Variants in ACTR3C observed in about 807,000 individuals in gnomAD.
The protein encoded by ACTR3C is actin-related protein 3C.
Under a neutral mutation model 26.3 loss-of-function variants are expected in ACTR3C, and 18 were observed. That is an observed-to-expected ratio of 0.68 (90% CI 0.47 to 1.01). The LOEUF is 1.01. Among genes scored for constraint, ACTR3C ranks in the 50% least tolerant of loss-of-function variants. The pLI is 0.00. For synonymous variants in ACTR3C, 55 were observed against 94.5 expected, an observed-to-expected ratio of 0.58 and a Z score of 2.42; for missense variants, 184 against 250.7, an observed-to-expected ratio of 0.73 and a Z score of 1.80.
chr7:149,882,760 C>T, the ACTR3C span, among the ~76,000 whole-genome samples: 13 of 152,248 alleles, frequency 8.5e-5, no homozygotes, highest in African/African-American at 2.9e-4. Flanking sequence ...CCATTCAGAT[C>T]TGTGCAGGGG....
At chr7:150,198,759 G>T in the ACTR3C span, among the ~76,000 whole-genome samples, 3 of 147,784 alleles carry the variant, frequency 2.0e-5, no homozygotes, top group Non-Finnish European at 3.0e-5. Flanking sequence ...AGGTGGGGGG[G>T]GGTCAGCCCC....
the ACTR3C span, among the ~76,000 whole-genome samples, chr7:150,016,008 G>C: frequency 5.9e-5 from 9 of 151,404 alleles, no homozygotes; most frequent in Non-Finnish European, 1.0e-4. Flanking sequence ...GCAAAGGCTT[G>C]GCCCTTTCTA....
chr7:150,162,188 T>G, the ACTR3C span, among the ~76,000 whole-genome samples: 2 of 152,234 alleles, frequency 1.3e-5, no homozygotes, highest in African/African-American at 4.8e-5. Context: ...AACTTGTTTC[T>G]GCATTCCTGA....
the ACTR3C span, among the ~76,000 whole-genome samples, chr7:150,019,599 A>AAATAATAAT: frequency 0.073 from 7,983 of 109,668 alleles, 305 homozygotes; most frequent in South Asian, 0.13. Context: ...TCAAAAATAA[A>AAATAATAAT]AATAATAATA....
the ACTR3C span, among the ~76,000 whole-genome samples, chr7:150,039,861 G>T: frequency 1.1e-4 from 15 of 135,972 alleles, no homozygotes; most frequent in African/African-American, 3.7e-4. Flanking sequence ...AGAGCAAAGG[G>T]GGGAAGAGGG....
the ACTR3C span, among the ~76,000 whole-genome samples, chr7:149,903,276 T>A: frequency 6.7e-6 from 1 of 148,596 alleles, no homozygotes; most frequent in African/African-American, 2.4e-5. Context: ...ACACGAAGTG[T>A]TAGAATTGGA....
the ACTR3C span, among the ~76,000 whole-genome samples, chr7:150,128,725 A>G: frequency 0.15 from 22,385 of 147,840 alleles, 1,568 homozygotes; most frequent in Admixed American, 0.17. Flanking sequence ...TCTGCTTCTC[A>G]GCATAAAGGA....
At chr7:150,023,678 G>GT in the ACTR3C span, among the ~76,000 whole-genome samples, 1 of 149,804 alleles carries the variant, frequency 6.7e-6, no homozygotes, top group African/African-American at 2.5e-5. Flanking sequence ...GAAATGAAAG[G>GT]TTTTATTCTG....
chr7:150,071,220 T>C, the ACTR3C span, among the ~76,000 whole-genome samples: 4 of 151,636 alleles, frequency 2.6e-5, no homozygotes, highest in East Asian at 7.8e-4. Flanking sequence ...GCCTCCCGGG[T>C]TCATGCCATT....
chr7:150,270,897 T>G (rs17134467), intron 6 of ACTR3C, among the ~76,000 whole-genome samples: 3 of 151,126 alleles, frequency 2.0e-5, no homozygotes, highest in African/African-American at 7.4e-5. Flanking sequence ...TTCTCACAGG[T>G]CATCTTTTCA....
the ACTR3C span, among the ~76,000 whole-genome samples, chr7:150,006,367 T>A: frequency 6.7e-6 from 1 of 149,356 alleles, no homozygotes. Context: ...TGGCTAATTT[T>A]TTTGTATTTT....
the ACTR3C span, among the ~76,000 whole-genome samples, chr7:149,885,127 G>GGA: frequency 2.0e-5 from 3 of 152,040 alleles, no homozygotes; most frequent in Non-Finnish European, 1.5e-5. Context: ...CCTGCTCCTG[G>GGA]CCATGACAAC....
At chr7:150,067,978 T>A in the ACTR3C span, among the ~76,000 whole-genome samples, 18 of 152,258 alleles carry the variant, frequency 1.2e-4, no homozygotes, top group Admixed American at 9.2e-4. Context: ...TTTGTCAGAA[T>A]CTTCTGTTTA....
the ACTR3C span, among the ~76,000 whole-genome samples, chr7:149,981,199 C>T: frequency 3.9e-5 from 6 of 152,174 alleles, no homozygotes; most frequent in South Asian, 2.1e-4. Flanking sequence ...ATGGACACAC[C>T]GCAACAAGTA....
chr7:150,033,179 T>C, the ACTR3C span, among the ~76,000 whole-genome samples: 1 of 152,130 alleles, frequency 6.6e-6, no homozygotes, highest in African/African-American at 2.4e-5. Context: ...CAGGGCTCTG[T>C]TTGTCCTACC....
At chr7:150,081,878 A>G in the ACTR3C span, among the ~76,000 whole-genome samples, 1 of 151,822 alleles carries the variant, frequency 6.6e-6, no homozygotes, top group African/African-American at 2.4e-5. Context: ...TTCTTCTGCA[A>G]GAGAGAAGCT....
At chr7:149,931,866 G>A in the ACTR3C span, among the ~76,000 whole-genome samples, 3 of 152,160 alleles carry the variant, frequency 2.0e-5, no homozygotes, top group Non-Finnish European at 4.4e-5. Flanking sequence ...GTGTTTTATG[G>A]TAGGATAAGG....
At chr7:150,072,601 G>T in the ACTR3C span, among the ~76,000 whole-genome samples, 2,455 of 147,132 alleles carry the variant, frequency 0.017, 78 homozygotes, top group African/African-American at 0.059. Context: ...GCACCGGCCG[G>T]TGATGACAAA....
chr7:150,018,568 C>T, the ACTR3C span, among the ~76,000 whole-genome samples: 8 of 149,884 alleles, frequency 5.3e-5, no homozygotes, highest in East Asian at 7.7e-4. Flanking sequence ...GTGTGTCAAG[C>T]GAAAACACAG....
Sources: gnomAD v4.1 joint callset for allele counts (sites outside exome capture counted in the v4.1 genomes callset) on GRCh38, gnomAD v4.1.1 for gene constraint, MANE v1.5 for transcripts, NCBI Gene and HGNC (gene_info 2026-07-23, HGNC 2026-07-21) for gene names.